The following ABCB5 variants were observed in gnomAD, a reference collection of about 807,000 sequenced individuals.
The protein encoded by ABCB5 is ATP binding cassette subfamily B member 5.
Under a neutral mutation model 144.2 loss-of-function variants are expected in ABCB5, and 155 were observed. The ratio of observed to expected loss-of-function variants is 1.08; its 90% CI spans 0.94 to 1.23. The LOEUF is 1.23. Among genes scored for constraint, ABCB5 ranks in the 50% most tolerant of loss-of-function variants. ABCB5 has a pLI of 0.00. For missense variants in ABCB5, 1,830 were observed against 1,520.8 expected (o/e 1.20, Z -3.38); for synonymous variants, 610 against 528.6 (o/e 1.15, Z -2.11).
Position 20,755,861 on chromosome 7 carries a change from A to G in ABCB5, c.*237A>G, listed in dbSNP as rs1783073527. On this transcript the variant is annotated 3_prime_UTR_variant, in exon 28 of 28. Transcript: ENST00000404938. The stretch of plus-strand genomic sequence containing the variant: ...CTTATATCCTTCACTTTATAAAACT[A>G]TTCTAGCACATTTGCTTGTAAAGCA... 2.3e-6 allele frequency: 1 copy of G among 444,034 alleles called. No individual in the cohort carries two copies. Among genetic ancestry groups the G allele is most frequent in the Non-Finnish European group, 4.0e-6 (1 of 248,520 alleles). 27.5% of individuals were successfully genotyped at this position (444,034 alleles called of 1,614,324 possible). A position where few individuals can be genotyped will look rare whatever the true frequency, so the allele number is the denominator to read the frequency against.
chr7:20,662,782 C>T (rs7795820), intron 14 of ABCB5, among the ~76,000 whole-genome samples: 7,772 of 152,192 alleles, frequency 0.051, 560 homozygotes, highest in African/African-American at 0.16. Context: ...GGTCCTTCTC[C>T]TTTGATAGAT....
At chr7:20,623,470 G>C in intron 2 of ABCB5, 132 bp downstream of exon 2, 1 of 720,800 alleles carries the variant, frequency 1.4e-6, no homozygotes, top group Non-Finnish European at 2.4e-6. Context: ...TGCTGAACTT[G>C]AACATAAGCA....
chr7:20,628,543 G>A, intron 3 of ABCB5, 145 bp from the exon 4 acceptor site: 1 of 739,538 alleles, frequency 1.4e-6, no homozygotes, highest in Non-Finnish European at 2.1e-6. Context: ...ACATATCTAT[G>A]ATTTTATGCA....
intron 20 of ABCB5, among the ~76,000 whole-genome samples, chr7:20,716,819 G>A (rs1409069827): frequency 6.6e-6 from 1 of 152,160 alleles, no homozygotes; most frequent in Non-Finnish European, 1.5e-5. Context: ...GAAAAGCAAA[G>A]TGGGTGAGGG....
chr7:20,627,136 A>G (rs1275202744), intron 3 of ABCB5, among the ~76,000 whole-genome samples: 1 of 152,174 alleles, frequency 6.6e-6, no homozygotes, highest in Non-Finnish European at 1.5e-5. Context: ...CGTTTCATGC[A>G]TGTGTTCCCA....
chr7:20,752,208 A>G (rs1279013317), intron 26 of ABCB5, among the ~76,000 whole-genome samples: 1 of 152,156 alleles, frequency 6.6e-6, no homozygotes, highest in African/African-American at 2.4e-5. Context: ...AGCTTTCTCA[A>G]TGGAACTGAT....
rs1782611231 is a variant in ABCB5 at position 20,743,038 on chromosome 7, T to A, written c.3186T>A (p.Leu1062=). ...GTGGGAAAAGCACTTCTGTTCAACT[T>A]CTGCAGAGACTTTATGACCCCGTGC... ...SGCGKSTSVQ[L]LQRLYDPVQG... The change falls in exon 25 of 28, where the codon CTT becomes CTA. Residue 1062 remains leucine (L), a synonymous_variant. Coordinates refer to ENST00000404938, the MANE Select transcript of ABCB5 (RefSeq NM_001163941.2). The A allele has an allele frequency of 1.2e-6, 2 of 1,614,152 alleles. No homozygotes were observed. The highest frequency in any genetic ancestry group is 4.5e-5 in the East Asian group (2 of 44,886).
intron 14 of ABCB5, among the ~76,000 whole-genome samples, chr7:20,668,528 G>A (rs1432087515): frequency 3.3e-4 from 50 of 151,304 alleles, no homozygotes; most frequent in African/African-American, 1.1e-3. Flanking sequence ...CCGTCCGGCA[G>A]CCACCCCGTC....
At chr7:20,701,292 CT>C (rs1245666171) in intron 19 of ABCB5, among the ~76,000 whole-genome samples, 2 of 152,146 alleles carry the variant, frequency 1.3e-5, no homozygotes, top group Non-Finnish European at 2.9e-5. Flanking sequence ...TAAGTTGAGA[CT>C]TTAATTAACT....
At chr7:20,721,199 G>T (rs1219419947) in intron 20 of ABCB5, among the ~76,000 whole-genome samples, 1 of 152,182 alleles carries the variant, frequency 6.6e-6, no homozygotes, top group Non-Finnish European at 1.5e-5. Flanking sequence ...CTCTAAGTAT[G>T]CAGGGATGAT....
At chr7:20,717,994 C>G (rs578050961) in intron 20 of ABCB5, among the ~76,000 whole-genome samples, 19 of 137,256 alleles carry the variant, frequency 1.4e-4, no homozygotes, top group Admixed American at 1.4e-3. Flanking sequence ...CTCCACCTCC[C>G]GAGTTAACGC....
intron 20 of ABCB5, among the ~76,000 whole-genome samples, chr7:20,716,045 A>G (rs1384948937): frequency 2.6e-5 from 4 of 152,124 alleles, no homozygotes; most frequent in Non-Finnish European, 5.9e-5. Flanking sequence ...CTTTAAAGTT[A>G]ATAGAACACA....
At chr7:20,707,506 ACT>A (rs1786858935) in intron 20 of ABCB5, among the ~76,000 whole-genome samples, 1 of 152,190 alleles carries the variant, frequency 6.6e-6, no homozygotes, top group African/African-American at 2.4e-5. Context: ...TATTTTGGAA[ACT>A]CAATTCTGTA....
intron 14 of ABCB5, among the ~76,000 whole-genome samples, chr7:20,661,735 A>G (rs1292002229): frequency 2.0e-5 from 3 of 151,662 alleles, no homozygotes; most frequent in African/African-American, 7.3e-5. Flanking sequence ...GGGTTTCACC[A>G]TGTTGGTCAG....
At chr7:20,729,119 CTG>C (rs1181753509) in intron 23 of ABCB5, among the ~76,000 whole-genome samples, 2 of 152,056 alleles carry the variant, frequency 1.3e-5, no homozygotes, top group Non-Finnish European at 2.9e-5. Context: ...TATGTTAACA[CTG>C]TGAAATGATT....
chr7:20,638,894 T>C (rs1357842636), intron 5 of ABCB5, among the ~76,000 whole-genome samples: 1 of 152,066 alleles, frequency 6.6e-6, no homozygotes, highest in Non-Finnish European at 1.5e-5. Flanking sequence ...AATTGCTGGG[T>C]CATATGGTAA....
At chr7:20,626,854 G>GTT (rs1783920413) in intron 3 of ABCB5, among the ~76,000 whole-genome samples, 1 of 143,670 alleles carries the variant, frequency 7.0e-6, no homozygotes, top group South Asian at 2.3e-4. Context: ...GTGTTTTTGG[G>GTT]GTGTGTGTGT....
At chr7:20,619,801 T>G (rs183111651) in intron 1 of ABCB5, among the ~76,000 whole-genome samples, 1 of 152,236 alleles carries the variant, frequency 6.6e-6, no homozygotes, top group Non-Finnish European at 1.5e-5. Flanking sequence ...AGGGTTTTTA[T>G]AGTTTCAGGT....
At position 20,643,374 on chromosome 7, in the gene ABCB5, G is replaced by T. The variant is rs1458981091; in HGVS notation, c.505G>T (p.Asp169Tyr). The T allele has an allele frequency of 6.2e-7, 1 of 1,613,882 alleles. No homozygotes were observed. The highest frequency in any genetic ancestry group is 1.1e-5 in the South Asian group (1 of 91,086). ...CGGTGAACTTAACACTCGCATGACAGAGTAAGAGGATGATATTGTAGTACG... is the reference window on the plus strand; with the variant it reads ...CGGTGAACTTAACACTCGCATGACATAGTAAGAGGATGATATTGTAGTACG... The part of the protein sequence containing the change: ...DIGELNTRMT[D>Y]DIDKISDGIG... The change falls in exon 6 of 28, where the codon GAT becomes TAT. Residue 169 changes from aspartate to tyrosine, a missense_variant and splice_region_variant. By Grantham distance (160) the Asp-to-Tyr change is radical. Transcript: ENST00000404938.
Sources: allele counts gnomAD v4.1 joint callset (sites outside exome capture counted in the v4.1 genomes callset), GRCh38; gene constraint gnomAD v4.1.1; transcripts MANE v1.5; gene names NCBI Gene and HGNC (gene_info 2026-07-23, HGNC 2026-07-21).